VWF: variants seen among roughly 807,000 people sequenced by gnomAD.
VWF encodes von Willebrand factor, also known as Factor VIII related antigen.
VWF carries 176 observed loss-of-function variants against 308.6 expected under a neutral mutation model. The ratio of observed to expected loss-of-function variants is 0.57; its 90% CI spans 0.50 to 0.65. The LOEUF is 0.65. Among genes scored for constraint, VWF ranks in the 30% least tolerant of loss-of-function variants. VWF has a pLI of 0.00. For missense variants in VWF, 3,146 were observed against 3,648.2 expected, an observed-to-expected ratio of 0.86 and a Z score of 3.55; for synonymous variants, 1,385 against 1,443.4, an observed-to-expected ratio of 0.96 and a Z score of 0.92.
In VWF at chr12:5,966,912, C is replaced by T. The variant is rs556295481; in HGVS notation, c.7887+574G>A. On this transcript the variant is annotated intron_variant, in intron 47 of 51. Coordinates refer to ENST00000261405, the MANE Select transcript of VWF (RefSeq NM_000552.5). ...TACTAAAAGTCACAGCTGAAACCCA[C>T]GGAATGCCAGTTTCATCTCCCAAAC... 5.3e-5 allele frequency among the ~76,000 whole-genome samples: 8 copies of T among 152,360 alleles called. No homozygotes were observed. In the East Asian group the frequency reaches 7.7e-4, roughly 15 times the overall value.
intron 47 of VWF, among the ~76,000 whole-genome samples, chr12:5,962,490 T>C (rs937628637): frequency 6.7e-6 from 1 of 148,586 alleles, no homozygotes; most frequent in African/African-American, 2.5e-5. Flanking sequence ...AGACAAAGGA[T>C]CAGAAAAAAA....
At position 6,056,036 on chromosome 12, in the gene VWF, A is replaced by G. The variant is rs2136453150; in HGVS notation, c.1945+821T>C. Among the ~76,000 whole-genome samples the G allele has an allele frequency of 1.3e-5, 2 of 151,614 alleles. 1 individual carries two copies. Among genetic ancestry groups the G allele is most frequent in the Admixed American group, 1.3e-4 (2 of 15,148 alleles). On this transcript the variant is annotated intron_variant, in intron 15 of 51. Transcript: ENST00000261405. ...GCCTACTATGATTCTACCATTGGAA[A>G]CAAGTCTTCTCTGCCAAGAAAGCAG...
chr12:6,105,763 G>A (rs953102800), intron 5 of VWF, among the ~76,000 whole-genome samples: 5 of 152,004 alleles, frequency 3.3e-5, no homozygotes, highest in African/African-American at 9.7e-5. Flanking sequence ...TGAGCCGGAC[G>A]CGGTGGTTCA....
chr12:6,097,327 C>A (rs770893632), intron 5 of VWF, among the ~76,000 whole-genome samples: 3 of 152,092 alleles, frequency 2.0e-5, no homozygotes, highest in African/African-American at 7.2e-5. Flanking sequence ...ATCCCAGTTA[C>A]TCGGGAGGCT....
intron 34 of VWF, among the ~76,000 whole-genome samples, chr12:5,997,263 G>C (rs1025454457): frequency 2.6e-5 from 4 of 152,118 alleles, no homozygotes; most frequent in African/African-American, 9.7e-5. Context: ...GAATACTACT[G>C]GCTTACTAAC....
Position 6,029,272 on chromosome 12 carries a change from C to A in VWF, c.2967+70G>T, listed in dbSNP as rs1591870251. 21 of 1,605,126 alleles carry A rather than the reference C, an allele frequency of 1.3e-5. No homozygotes were observed. In the East Asian group the frequency reaches 4.7e-4, roughly 36 times the overall value. ...ATTCATAAAGCAAGTCCTTAGAGAC[C>A]TACGATCAGGGAGCAGAAAACACTC... On this transcript the variant is annotated intron_variant, in intron 22 of 51. Coordinates refer to ENST00000261405, the MANE Select transcript of VWF (RefSeq NM_000552.5).
At chr12:6,003,312 T>C (rs1943892143) in intron 34 of VWF, among the ~76,000 whole-genome samples, 1 of 152,232 alleles carries the variant, frequency 6.6e-6, no homozygotes, top group Admixed American at 6.5e-5. Flanking sequence ...GTAATGTTTA[T>C]GACATCAATA....
chr12:5,980,373 C>T (rs917857078), intron 42 of VWF, among the ~76,000 whole-genome samples: 116 of 152,056 alleles, frequency 7.6e-4, no homozygotes, highest in Non-Finnish European at 7.1e-4. Flanking sequence ...GTAATGAATC[C>T]CCTGGGTCTA....
At chr12:6,061,167 C>T (rs1486665022) in intron 13 of VWF, among the ~76,000 whole-genome samples, 6 of 152,124 alleles carry the variant, frequency 3.9e-5, no homozygotes, top group Admixed American at 2.6e-4. Context: ...TGCCACTGCC[C>T]TCCAGCCTGG....
intron 47 of VWF, among the ~76,000 whole-genome samples, chr12:5,964,898 G>T (rs950001286): frequency 6.6e-6 from 1 of 152,212 alleles, no homozygotes; most frequent in Non-Finnish European, 1.5e-5. Context: ...AGTGTTAAGG[G>T]TGTGGCAGGG....
rs375985267 is a variant in VWF at position 5,949,852 on chromosome 12, G to C, written c.8187C>G (p.Ala2729=). ...CEEPECNDIT[A]RLQYVKVGSC... ...TTCCCACCTTGACATACTGCAGCCT[G>C]GCAGTGATGTCGTTGCACTCAGGCT... The change falls in exon 51 of 52, where the codon GCC becomes GCG. Residue 2729 remains alanine (A), a synonymous_variant. Coordinates refer to ENST00000261405, the MANE Select transcript of VWF (RefSeq NM_000552.5). The C allele has an allele frequency of 3.1e-5, 50 of 1,613,924 alleles. No individual in the cohort carries two copies. The Admixed American group carries it at 3.7e-4, about 12-fold the overall frequency.
rs374591991 is a variant in VWF at position 6,021,991 on chromosome 12, C to A, written c.3583G>T (p.Asp1195Tyr). ...ELLQTCVDPE[D>Y]CPVCEVAGRR... ...CCAGCCACCTCACACACTGGACAGTCTTCAGGGTCAACGCAGGTCTGCAAA... is the reference window on the plus strand; with the variant it reads ...CCAGCCACCTCACACACTGGACAGTATTCAGGGTCAACGCAGGTCTGCAAA... Residue 1195 changes from aspartate (D) to tyrosine (Y), a missense_variant, in exon 27 of 52, where the codon GAC (aspartate) becomes TAC (tyrosine). This residue lies in a region of VWF where 853 missense variants were observed against 1,177.8 expected (regional missense o/e 0.72). Transcript: ENST00000261405. 22 of 1,614,104 alleles carry A rather than the reference C, an allele frequency of 1.4e-5. No homozygotes were observed. The highest frequency in any genetic ancestry group is 3.3e-5 in the Admixed American group (2 of 60,012).
In VWF at chr12:5,978,694, C is replaced by T. The variant is rs147676814; in HGVS notation, c.7288-2434G>A. 3.3e-3 allele frequency among the ~76,000 whole-genome samples: 501 copies of T among 152,250 alleles called. 4 individuals carry two copies. Among genetic ancestry groups the T allele is most frequent in the African/African-American group, 0.011 (465 of 41,536 alleles). On this transcript the variant is annotated intron_variant, in intron 42 of 51. Transcript: ENST00000261405. ...TGTAATTTCATTTGAATCAGAAATACCACTACAAATTTACGAGTTTTTATC... is the reference window on the plus strand; with the variant it reads ...TGTAATTTCATTTGAATCAGAAATATCACTACAAATTTACGAGTTTTTATC...
intron 8 of VWF, 149 bp from the exon 9 acceptor site, chr12:6,072,591 T>C (rs891509419): frequency 2.8e-6 from 2 of 713,576 alleles, no homozygotes; most frequent in South Asian, 1.5e-5. Flanking sequence ...CATAATGCAA[T>C]ATAAGGAAGG....
intron 34 of VWF, among the ~76,000 whole-genome samples, chr12:6,005,705 G>A (rs1254385386): frequency 1.3e-5 from 2 of 152,174 alleles, no homozygotes; most frequent in African/African-American, 4.8e-5. Flanking sequence ...GGCCAGAAGG[G>A]AGATGGATGA....
Position 6,016,230 on chromosome 12 carries a change from C to T in VWF, c.5314G>A (p.Asp1772Asn), listed in dbSNP as rs1243040706. 7 of 1,614,046 alleles carry T rather than the reference C, an allele frequency of 4.3e-6. No homozygotes were observed. Among genetic ancestry groups the T allele is most frequent in the Non-Finnish European group, 5.9e-6 (7 of 1,180,038 alleles). ...QREGGPSQIGDALGFAVRYLT... is the reference protein window; with the variant it reads ...QREGGPSQIGNALGFAVRYLT... ...TATCGCACAGCAAAGCCCAAGGCATCCCCTGAGGATGGAGAACAGATCACG... is the reference window on the plus strand; with the variant it reads ...TATCGCACAGCAAAGCCCAAGGCATTCCCTGAGGATGGAGAACAGATCACG... Residue 1772 changes from aspartate (D) to asparagine (N), a missense_variant and splice_region_variant, in exon 31 of 52, where the codon GAT becomes AAT. Physicochemically the swap from Asp to Asn is conservative, Grantham distance 23. Around this residue, in one of 3 missense-constraint regions of VWF, gnomAD observed 853 missense variants for 1,177.8 expected, o/e 0.72. Coordinates refer to ENST00000261405, the MANE Select transcript of VWF (RefSeq NM_000552.5).
chr12:6,050,715 T>A (rs1054937705), intron 16 of VWF, among the ~76,000 whole-genome samples: 6 of 152,212 alleles, frequency 3.9e-5, no homozygotes, highest in African/African-American at 1.4e-4. Context: ...ATCCCAGCAC[T>A]CTGGGAGGCC....
At chr12:5,991,200 CACACACGCAT>C (rs1172042036) in intron 38 of VWF, among the ~76,000 whole-genome samples, 1 of 136,518 alleles carries the variant, frequency 7.3e-6, no homozygotes, top group Non-Finnish European at 1.6e-5. Context: ...CACACACACA[CACACACGCAT>C]GCACACACAC....
At chr12:6,076,289 G>A (rs892754314) in intron 6 of VWF, among the ~76,000 whole-genome samples, 1 of 152,158 alleles carries the variant, frequency 6.6e-6, no homozygotes, top group Middle Eastern at 3.2e-3. Context: ...GAGTATCAAC[G>A]ACCCTACGTT....
Sources: allele counts gnomAD v4.1 joint callset (sites outside exome capture counted in the v4.1 genomes callset), GRCh38; gene constraint gnomAD v4.1.1; regional missense constraint gnomAD v4.1.1; transcripts MANE v1.5; gene names NCBI Gene and HGNC (gene_info 2026-07-23, HGNC 2026-07-21).